Variants in CHRM3 observed in about 807,000 individuals in gnomAD.
The protein encoded by CHRM3 is muscarinic acetylcholine receptor M3.
Under a neutral mutation model 41.8 loss-of-function variants are expected in CHRM3, and 11 were observed. That is an observed-to-expected ratio of 0.26 (90% CI 0.17 to 0.44). The LOEUF is 0.44. Among genes scored for constraint, CHRM3 ranks in the 20% least tolerant of loss-of-function variants. The pLI, the probability that CHRM3 is intolerant of heterozygous loss-of-function variation, is 1.00. For synonymous variants in CHRM3, 297 were observed against 301.4 expected, an observed-to-expected ratio of 0.99 and a Z score of 0.15; for missense variants, 571 against 745.4, an observed-to-expected ratio of 0.77 and a Z score of 2.72.
chr1:239,644,750 G>A (rs1303126134), intron 4 of CHRM3, among the ~76,000 whole-genome samples: 1 of 152,160 alleles, frequency 6.6e-6, no homozygotes, highest in African/African-American at 2.4e-5. Context: ...ATTCAGAAGG[G>A]CTGAGCTTTT....
chr1:239,795,591 C>T (rs1343603952), intron 5 of CHRM3, among the ~76,000 whole-genome samples: 1 of 152,120 alleles, frequency 6.6e-6, no homozygotes, highest in African/African-American at 2.4e-5. Flanking sequence ...AGAACAACTC[C>T]CCATTTCAGA....
chr1:239,640,823 G>T (rs911855350), intron 4 of CHRM3, among the ~76,000 whole-genome samples: 22 of 148,152 alleles, frequency 1.5e-4, no homozygotes, highest in African/African-American at 5.3e-4. Flanking sequence ...GAATGTGTTT[G>T]CTCTTGCTTT....
intron 6 of CHRM3, among the ~76,000 whole-genome samples, chr1:239,839,799 GC>G (rs1172067481): frequency 6.6e-6 from 1 of 150,486 alleles, no homozygotes; most frequent in East Asian, 1.9e-4. Flanking sequence ...CAGTGGCGGG[GC>G]GGGGGGGGAG....
chr1:239,406,535 G>A (rs1215176599), intron 1 of CHRM3, among the ~76,000 whole-genome samples: 3 of 152,046 alleles, frequency 2.0e-5, no homozygotes, highest in Admixed American at 6.5e-5. Context: ...CATTAACATC[G>A]CCATTACTGA....
chr1:239,486,644 G>T (rs1667200530), intron 1 of CHRM3, among the ~76,000 whole-genome samples: 1 of 152,198 alleles, frequency 6.6e-6, no homozygotes, highest in African/African-American at 2.4e-5. Context: ...AAATGAAAGA[G>T]TGTGATTGTG....
intron 6 of CHRM3, among the ~76,000 whole-genome samples, chr1:239,874,297 A>C (rs1179589288): frequency 1.1e-5 from 1 of 92,202 alleles, no homozygotes; most frequent in African/African-American, 4.5e-5. Flanking sequence ...ATATATATAT[A>C]TATATATATA....
intron 5 of CHRM3, among the ~76,000 whole-genome samples, chr1:239,772,515 T>G (rs1481138855): frequency 6.6e-6 from 1 of 152,220 alleles, no homozygotes; most frequent in Non-Finnish European, 1.5e-5. Flanking sequence ...AGAAAAACGT[T>G]GAAGTAATGA....
At chr1:239,549,832 A>G (rs1489586906) in intron 3 of CHRM3, among the ~76,000 whole-genome samples, 2 of 151,954 alleles carry the variant, frequency 1.3e-5, no homozygotes, top group Admixed American at 1.3e-4. Context: ...CCTGAAGTCT[A>G]ATGTAATTTG....
chr1:239,543,458 T>C (rs557959948), intron 2 of CHRM3, among the ~76,000 whole-genome samples: 40 of 151,932 alleles, frequency 2.6e-4, no homozygotes, highest in African/African-American at 9.6e-4. Flanking sequence ...TATAATCTCC[T>C]CCAAATCAAG....
chr1:239,655,058 C>G (rs1672594271), intron 4 of CHRM3, among the ~76,000 whole-genome samples: 1 of 152,158 alleles, frequency 6.6e-6, no homozygotes, highest in South Asian at 2.1e-4. Flanking sequence ...GTGAGAAGTA[C>G]AAATATACTA....
chr1:239,396,716 T>C (rs1659513773), intron 1 of CHRM3, among the ~76,000 whole-genome samples: 1 of 152,154 alleles, frequency 6.6e-6, no homozygotes, highest in Non-Finnish European at 1.5e-5. Context: ...AAAGTAAAAG[T>C]CCACCATAAC....
chr1:239,596,998 T>A (rs1052341049), intron 3 of CHRM3, among the ~76,000 whole-genome samples: 16 of 152,246 alleles, frequency 1.1e-4, no homozygotes, highest in African/African-American at 7.2e-5. Flanking sequence ...AGAAAATAAC[T>A]CTTTTTGTGA....
chr1:239,668,171 T>G (rs1407149786), intron 4 of CHRM3, among the ~76,000 whole-genome samples: 1 of 144,918 alleles, frequency 6.9e-6, no homozygotes, highest in African/African-American at 2.6e-5. Context: ...TGATCTTGGC[T>G]GACTGCAACC....
chr1:239,611,393 C>A (rs1332214862), intron 3 of CHRM3, among the ~76,000 whole-genome samples: 3 of 149,710 alleles, frequency 2.0e-5, no homozygotes, highest in African/African-American at 2.4e-5. Flanking sequence ...TAAACACTGA[C>A]CAAATCCAAG....
At chr1:239,762,024 C>G (rs1389886587) in intron 5 of CHRM3, among the ~76,000 whole-genome samples, 1 of 152,150 alleles carries the variant, frequency 6.6e-6, no homozygotes, top group Non-Finnish European at 1.5e-5. Context: ...GTTCACTTTG[C>G]TTGGTTCCCT....
intron 5 of CHRM3, among the ~76,000 whole-genome samples, chr1:239,691,284 G>C (rs1450831665): frequency 6.6e-6 from 1 of 152,118 alleles, no homozygotes; most frequent in Admixed American, 6.5e-5. Context: ...ATACTGGTAA[G>C]TGCAGTGAAG....
chr1:239,604,943 A>G (rs900626263), intron 3 of CHRM3, among the ~76,000 whole-genome samples: 4 of 151,942 alleles, frequency 2.6e-5, no homozygotes, highest in African/African-American at 9.7e-5. Flanking sequence ...CATTTGTTTT[A>G]TTTTTATTTA....
At chr1:239,394,847 G>A (rs574065367) in intron 1 of CHRM3, among the ~76,000 whole-genome samples, 1 of 152,182 alleles carries the variant, frequency 6.6e-6, no homozygotes, top group African/African-American at 2.4e-5. Flanking sequence ...ATTTCAACCT[G>A]GTCCTATGTG....
At chr1:239,502,147 G>A (rs1281430834) in intron 2 of CHRM3, among the ~76,000 whole-genome samples, 3 of 152,062 alleles carry the variant, frequency 2.0e-5, no homozygotes, top group Admixed American at 1.3e-4. Context: ...ACAAAATGCT[G>A]ATTCTTTGAA....
Sources: gnomAD v4.1 joint callset for allele counts (sites outside exome capture counted in the v4.1 genomes callset) on GRCh38, gnomAD v4.1.1 for gene constraint, MANE v1.5 for transcripts, NCBI Gene and HGNC (gene_info 2026-07-23, HGNC 2026-07-21) for gene names.